Variants in OTUD7A observed in about 807,000 individuals in gnomAD.
OTUD7A encodes the protein OTU domain-containing protein 7A.
Under a neutral mutation model 65.7 loss-of-function variants are expected in OTUD7A, and 12 were observed. That is an observed-to-expected ratio of 0.18 (90% CI 0.12 to 0.30). The LOEUF (loss-of-function observed/expected upper bound fraction) is 0.30. Ranked by LOEUF, OTUD7A falls within the 10% of genes least tolerant of loss-of-function variation. The pLI, the probability that OTUD7A is intolerant of heterozygous loss-of-function variation, is 1.00. For synonymous variants in OTUD7A, 641 were observed against 586.3 expected (o/e 1.09, Z -1.35); for missense variants, 1,148 against 1,304.8 (o/e 0.88, Z 1.85).
chr15:31,710,830 CT>C (rs1363792251), intron 1 of OTUD7A, among the ~76,000 whole-genome samples: 1 of 152,146 alleles, frequency 6.6e-6, no homozygotes, highest in African/African-American at 2.4e-5. Flanking sequence ...GCTTTACCTC[CT>C]GCAATAGCCA....
intron 3 of OTUD7A, among the ~76,000 whole-genome samples, chr15:31,606,481 C>G (rs554648091): frequency 6.6e-6 from 1 of 152,270 alleles, no homozygotes; most frequent in East Asian, 1.9e-4. Context: ...ACAAAGTTAA[C>G]TGGATTTTTT....
At position 31,555,845 on chromosome 15, in the gene OTUD7A, T is replaced by TTTTTCTTTTTTTC. The variant is rs1196218818; in HGVS notation, c.550+3123_550+3124insGAAAAAAAGAAAA. Among the ~76,000 whole-genome samples the TTTTTCTTTTTTTC allele has an allele frequency of 1.4e-3, 89 of 64,616 alleles. 2 individuals are homozygous for TTTTTCTTTTTTTC. Among genetic ancestry groups the TTTTTCTTTTTTTC allele is most frequent in the African/African-American group, 5.9e-3 (85 of 14,514 alleles). 42.4% of individuals were successfully genotyped at this position (64,616 alleles called of 152,430 possible). A position where few individuals can be genotyped will look rare whatever the true frequency, so the allele number is the denominator to read the frequency against. ...CACAGTTGTCTGCGTACCTCTGTTC[T>TTTTTCTTTTTTTC]TTTTCTTTTTTTTTTTTTTGAGACA... On this transcript the variant is annotated intron_variant, in intron 5 of 12. Coordinates refer to ENST00000307050, the MANE Select transcript of OTUD7A (RefSeq NM_001382637.1).
At chr15:31,815,097 A>T (rs1442603349) in intron 1 of OTUD7A, among the ~76,000 whole-genome samples, 1 of 152,146 alleles carries the variant, frequency 6.6e-6, no homozygotes, top group Non-Finnish European at 1.5e-5. Flanking sequence ...ACAGAGGCAC[A>T]CAGAACTCCC....
chr15:31,490,053 G>A (rs1013271295), intron 10 of OTUD7A, among the ~76,000 whole-genome samples: 1 of 152,258 alleles, frequency 6.6e-6, no homozygotes, highest in African/African-American at 2.4e-5. Flanking sequence ...CTGTGGTGAG[G>A]GCTGGGGCTG....
At chr15:31,489,870 A>G (rs1371599823) in intron 10 of OTUD7A, among the ~76,000 whole-genome samples, 1 of 152,196 alleles carries the variant, frequency 6.6e-6, no homozygotes, top group African/African-American at 2.4e-5. Flanking sequence ...CACGGTGGGA[A>G]TACCCCTGAA....
intron 3 of OTUD7A, among the ~76,000 whole-genome samples, chr15:31,588,093 C>T (rs1282587420): frequency 6.6e-6 from 1 of 152,052 alleles, no homozygotes; most frequent in Non-Finnish European, 1.5e-5. Flanking sequence ...TACAGCAGCC[C>T]TGTTCATAAC....
At position 31,857,645 on chromosome 15, in the gene OTUD7A, C is replaced by A. The variant is rs867758390; in HGVS notation, c.-100+12862G>T. The stretch of plus-strand genomic sequence containing the variant: ...GTTAGGAAAATTGTGACATAAACAG[C>A]ACATGCTCCAGGGCGGGGATGACAT... On this transcript the variant is annotated intron_variant, in intron 1 of 12. Transcript: ENST00000307050. Among the ~76,000 whole-genome samples, 8 of 152,176 alleles carry A rather than the reference C, an allele frequency of 5.3e-5. No homozygotes were observed. In the South Asian group the frequency reaches 8.3e-4, roughly 16 times the overall value.
intron 4 of OTUD7A, among the ~76,000 whole-genome samples, chr15:31,560,192 C>A (rs534715749): frequency 5.1e-4 from 77 of 152,240 alleles, no homozygotes; most frequent in Non-Finnish European, 1.0e-3. Flanking sequence ...GCATCCACAG[C>A]AGCTCAGGTT....
intron 1 of OTUD7A, among the ~76,000 whole-genome samples, chr15:31,796,827 C>CAGTTTTA (rs1895973924): frequency 6.6e-6 from 1 of 152,178 alleles, no homozygotes; most frequent in African/African-American, 2.4e-5. Flanking sequence ...CTCTGCCTCC[C>CAGTTTTA]AGTTTTAAGT....
chr15:31,554,133 T>C (rs1888415132), intron 5 of OTUD7A, among the ~76,000 whole-genome samples: 1 of 152,160 alleles, frequency 6.6e-6, no homozygotes, highest in African/African-American at 2.4e-5. Flanking sequence ...TGTCTGTTGC[T>C]GCCTCCCTCC....
chr15:31,768,199 C>A (rs1276888171), intron 1 of OTUD7A: 2 of 1,179,220 alleles, frequency 1.7e-6, no homozygotes, highest in Non-Finnish European at 2.6e-6. Context: ...CCCGACTCTC[C>A]ACAGGTCTGT....
chr15:31,504,911 G>T (rs1395449921), intron 8 of OTUD7A, among the ~76,000 whole-genome samples: 2 of 146,410 alleles, frequency 1.4e-5, no homozygotes, highest in African/African-American at 5.1e-5. Context: ...TTTTTTTTGA[G>T]ACAGAGTCTT....
intron 10 of OTUD7A, among the ~76,000 whole-genome samples, chr15:31,488,928 C>T (rs1482958614): frequency 6.6e-6 from 1 of 152,216 alleles, no homozygotes; most frequent in African/African-American, 2.4e-5. Context: ...TTGGAAAGTG[C>T]AGTGCTCTGA....
chr15:31,723,918 C>T (rs1216754586), intron 1 of OTUD7A, among the ~76,000 whole-genome samples: 1 of 102,450 alleles, frequency 9.8e-6, no homozygotes, highest in African/African-American at 3.9e-5. Context: ...GCCGTCTCCC[C>T]ACACCCTCGC....
rs192331435 is a variant in OTUD7A, at chr15:31,656,227, A to C, written c.-5+756T>G. On this transcript the variant is annotated intron_variant, in intron 2 of 12. Coordinates refer to ENST00000307050, the MANE Select transcript of OTUD7A (RefSeq NM_001382637.1). ...GCTGGGGAAAAGCAACTGTGACATT[A>C]CAAGTGAGAGTAACTTACACTAGTG... Among the ~76,000 whole-genome samples, 4 of 152,346 alleles carry C rather than the reference A, an allele frequency of 2.6e-5. No homozygotes were observed. The East Asian group carries it at 7.7e-4, about 29-fold the overall frequency.
chr15:31,499,147 G>A (rs1249163026), intron 10 of OTUD7A, among the ~76,000 whole-genome samples: 1 of 152,200 alleles, frequency 6.6e-6, no homozygotes, highest in African/African-American at 2.4e-5. Flanking sequence ...GGAAGTGGGT[G>A]GTGGGAAGAA....
intron 3 of OTUD7A, among the ~76,000 whole-genome samples, chr15:31,577,272 G>A (rs577585351): frequency 1.1e-3 from 162 of 152,240 alleles, no homozygotes; most frequent in African/African-American, 3.8e-3. Context: ...AAACATTTGC[G>A]ATGTATTCTC....
chr15:31,612,569 T>C (rs912838835), intron 3 of OTUD7A, among the ~76,000 whole-genome samples: 11 of 152,026 alleles, frequency 7.2e-5, no homozygotes, highest in Admixed American at 1.3e-4. Context: ...ATAAAATACC[T>C]AGGAATATAC....
chr15:31,733,141 T>C (rs1894093476), intron 1 of OTUD7A, among the ~76,000 whole-genome samples: 1 of 152,176 alleles, frequency 6.6e-6, no homozygotes, highest in East Asian at 1.9e-4. Flanking sequence ...AAGTTGGTGA[T>C]GTATCAGCAC....
Sources: gnomAD v4.1 joint callset for allele counts (sites outside exome capture counted in the v4.1 genomes callset) on GRCh38, gnomAD v4.1.1 for gene constraint, MANE v1.5 for transcripts, NCBI Gene and HGNC (gene_info 2026-07-23, HGNC 2026-07-21) for gene names.